Variants in ERAP1 observed in about 807,000 individuals in gnomAD.
ERAP1 encodes the protein adipocyte-derived leucine aminopeptidase.
In ERAP1, 86 loss-of-function variants were observed where a neutral mutation model predicts 103.7. The observed-to-expected ratio is 0.83, with a 90% CI of 0.70 to 0.99. The LOEUF (loss-of-function observed/expected upper bound fraction) is 0.99, where lower values mean the gene tolerates loss of function less well. Among genes scored for constraint, ERAP1 ranks in the 50% least tolerant of loss-of-function variants. The pLI is 0.00. For missense variants in ERAP1, 1,009 were observed against 1,128.4 expected, an observed-to-expected ratio of 0.89 and a Z score of 1.52; for synonymous variants, 398 against 402.4, an observed-to-expected ratio of 0.99 and a Z score of 0.13.
chr5:96,820,544 T>G, the ERAP1 span, among the ~76,000 whole-genome samples: 2 of 152,188 alleles, frequency 1.3e-5, no homozygotes, highest in Admixed American at 6.5e-5. Flanking sequence ...CTTAAACTGT[T>G]GAGGATCATA....
At chr5:96,889,845 C>T in the ERAP1 span, among the ~76,000 whole-genome samples, 1 of 151,916 alleles carries the variant, frequency 6.6e-6, no homozygotes, top group African/African-American at 2.4e-5. Context: ...CACACACACA[C>T]ACACACACAC....
the ERAP1 span, among the ~76,000 whole-genome samples, chr5:96,859,534 C>T: frequency 2.0e-5 from 3 of 151,976 alleles, no homozygotes; most frequent in Non-Finnish European, 2.9e-5. Context: ...CAATCTGAGC[C>T]TCAATGTCAC....
At chr5:96,866,614 A>G in the ERAP1 span, among the ~76,000 whole-genome samples, 10 of 152,294 alleles carry the variant, frequency 6.6e-5, no homozygotes, top group African/African-American at 2.2e-4. Flanking sequence ...CCGCAGCTAT[A>G]AAGCCATAGT....
intron 16 of ERAP1, among the ~76,000 whole-genome samples, chr5:96,781,467 T>C (rs1388210945): frequency 6.6e-6 from 1 of 152,176 alleles, no homozygotes; most frequent in African/African-American, 2.4e-5. Context: ...ATATTTTTAA[T>C]ATGTTGTCAT....
chr5:96,915,817 G>A, the ERAP1 span: 1 of 1,441,512 alleles, frequency 6.9e-7, no homozygotes, highest in South Asian at 1.3e-5. Flanking sequence ...TGTTCAAATT[G>A]TGGAATTGAA....
intron 18 of ERAP1, 49 bp from the exon 19 acceptor site, chr5:96,776,600 C>A: frequency 6.3e-7 from 1 of 1,598,748 alleles, no homozygotes. Flanking sequence ...TCACATTAAT[C>A]AGATGTAACT....
At chr5:96,802,083 G>A (rs1040758436) in intron 2 of ERAP1, among the ~76,000 whole-genome samples, 8 of 151,728 alleles carry the variant, frequency 5.3e-5, no homozygotes, top group African/African-American at 1.7e-4. Flanking sequence ...ATTGGTGAGG[G>A]GTAAGAAAAA....
At chr5:96,930,794 G>A in the ERAP1 span, among the ~76,000 whole-genome samples, 1 of 152,192 alleles carries the variant, frequency 6.6e-6, no homozygotes, top group African/African-American at 2.4e-5. Context: ...GGCTGTCAAT[G>A]CAATAGAGAT....
At position 96,800,772 on chromosome 5, in the gene ERAP1, G is replaced by A. The variant is rs1038275786; in HGVS notation, c.663+90C>T. On this transcript the variant is annotated intron_variant, in intron 3 of 18. Coordinates refer to ENST00000443439, the MANE Select transcript of ERAP1 (RefSeq NM_001040458.3). ...TCTGCCAGGCAATAAAACAAAACAG[G>A]TGACCCAATGTTGACTGTCACTGGG... The A allele has an allele frequency of 2.9e-6, 4 of 1,378,880 alleles. No homozygotes were observed. The African/African-American group carries it at 5.7e-5, about 20-fold the overall frequency. 85.4% of individuals were successfully genotyped at this position (1,378,880 alleles called of 1,614,324 possible).
chr5:96,795,233 T>C, intron 4 of ERAP1, 71 bp from the exon 5 acceptor site: 1 of 1,574,932 alleles, frequency 6.3e-7, no homozygotes, highest in Non-Finnish European at 8.7e-7. Flanking sequence ...TGTAGAAGAC[T>C]GACATTAATG....
the ERAP1 span, among the ~76,000 whole-genome samples, chr5:96,893,987 T>C: frequency 1.3e-5 from 2 of 152,198 alleles, no homozygotes; most frequent in Non-Finnish European, 2.9e-5. Flanking sequence ...AAATGAACAC[T>C]GTCCTGGCAA....
At chr5:96,845,717 T>C in the ERAP1 span, among the ~76,000 whole-genome samples, 1 of 151,494 alleles carries the variant, frequency 6.6e-6, no homozygotes, top group Non-Finnish European at 1.5e-5. Flanking sequence ...GATCTTGAGA[T>C]ACTCACTCCT....
At chr5:96,797,337 A>G (rs149029504) in intron 3 of ERAP1, 28 bp from the exon 4 acceptor site, 3 of 1,611,344 alleles carry the variant, frequency 1.9e-6, no homozygotes, top group Non-Finnish European at 2.5e-6. Context: ...CAAATTATCA[A>G]GTAATCCAAT....
At chr5:96,857,016 A>G in the ERAP1 span, among the ~76,000 whole-genome samples, 3 of 152,074 alleles carry the variant, frequency 2.0e-5, no homozygotes, top group Admixed American at 1.3e-4. Flanking sequence ...AGACCTTTCA[A>G]GTTCATGCCT....
At chr5:96,838,781 GAGA>G in the ERAP1 span, among the ~76,000 whole-genome samples, 2 of 151,324 alleles carry the variant, frequency 1.3e-5, no homozygotes, top group African/African-American at 2.4e-5. Flanking sequence ...AATAATATGG[GAGA>G]AGAACTGTGT....
chr5:96,893,794 TG>T, the ERAP1 span, among the ~76,000 whole-genome samples: 1 of 152,322 alleles, frequency 6.6e-6, no homozygotes, highest in South Asian at 2.1e-4. Context: ...TGTCTTAGCT[TG>T]GCATACAAGG....
At chr5:96,784,608 C>CAT (rs1610948) in intron 13 of ERAP1, among the ~76,000 whole-genome samples, 106,714 of 151,930 alleles carry the variant, frequency 0.7, 37,712 homozygotes, top group Non-Finnish European at 0.72. Context: ...CTAGGGCTAA[C>CAT]GTGGATAAGC....
At chr5:96,842,001 C>G in the ERAP1 span, among the ~76,000 whole-genome samples, 89 of 152,126 alleles carry the variant, frequency 5.9e-4, no homozygotes, top group Admixed American at 5.8e-3. Flanking sequence ...TGTGTCCTCA[C>G]AGCTTAGCTC....
chr5:96,797,075 C>A lies in ERAP1; in HGVS notation c.798+100G>T, dbSNP rs374038183. 27 of 1,414,560 alleles carry A rather than the reference C, an allele frequency of 1.9e-5. No individual in the cohort carries two copies. The African/African-American group carries it at 3.1e-4, about 16-fold the overall frequency. 87.6% of individuals were successfully genotyped at this position (1,414,560 alleles called of 1,614,324 possible). On this transcript the variant is annotated intron_variant, in intron 4 of 18. Transcript: ENST00000443439. ...AACTGTTGGGTTTATGTTGGGTTTA[C>A]ACGCACGACCCACTGCGCTCAGGCA...
Sources: gnomAD v4.1 joint callset for allele counts (sites outside exome capture counted in the v4.1 genomes callset) on GRCh38, gnomAD v4.1.1 for gene constraint, MANE v1.5 for transcripts, NCBI Gene and HGNC (gene_info 2026-07-23, HGNC 2026-07-21) for gene names.